Variants in PRDM11 observed in about 807,000 individuals in gnomAD.
PRDM11 encodes the protein PR domain-containing protein 11.
In PRDM11, 20 loss-of-function variants were observed where a neutral mutation model predicts 97.8. The observed-to-expected ratio is 0.20, with a 90% CI of 0.14 to 0.30. The LOEUF (loss-of-function observed/expected upper bound fraction) is 0.30, where lower values mean the gene tolerates loss of function less well. Ranked by LOEUF, PRDM11 falls within the 10% of genes least tolerant of loss-of-function variation. The pLI, the probability that PRDM11 is intolerant of heterozygous loss-of-function variation, is 1.00. For synonymous variants in PRDM11, 599 were observed against 637.7 expected (o/e 0.94, Z 0.91); for missense variants, 1,139 against 1,555.2 (o/e 0.73, Z 4.50).
intron 1 of PRDM11, among the ~76,000 whole-genome samples, chr11:45,156,038 G>A (rs1851785640): frequency 6.6e-6 from 1 of 152,186 alleles, no homozygotes; most frequent in Non-Finnish European, 1.5e-5. Flanking sequence ...TATGAACCTA[G>A]GTCTGTCTGA....
intron 1 of PRDM11, among the ~76,000 whole-genome samples, chr11:45,149,373 T>A (rs1321386183): frequency 6.6e-6 from 1 of 152,250 alleles, no homozygotes; most frequent in African/African-American, 2.4e-5. Context: ...TAGATCTCTC[T>A]GAACTCCATA....
rs1590494808 is a variant in PRDM11, at chr11:45,234,219, C to A, written c.*6060C>A. The A allele has an allele frequency of 6.6e-6, 1 of 152,212 alleles. No homozygotes were observed. Among genetic ancestry groups the A allele is most frequent in the Non-Finnish European group, 1.5e-5 (1 of 68,058 alleles). The allele number at this position is 152,212 out of a possible 1,614,324, so 9.4% of individuals were successfully genotyped here. A position where few individuals can be genotyped will look rare whatever the true frequency, so the allele number is the denominator to read the frequency against. ...CGCAGTTTCCTCTCTCTGTTTTTTTCCTCCTGGAGGTAGGAGAGAGGGCCT... is the reference window on the plus strand; with the variant it reads ...CGCAGTTTCCTCTCTCTGTTTTTTTACTCCTGGAGGTAGGAGAGAGGGCCT... On this transcript the variant is annotated 3_prime_UTR_variant, in exon 8 of 8. Transcript: ENST00000683152.
At position 45,227,822 on chromosome 11, in the gene PRDM11, A is replaced by C; in HGVS notation, c.3197A>C (p.Gln1066Pro). The C allele has an allele frequency of 6.5e-7, 1 of 1,533,956 alleles. No homozygotes were observed. Among genetic ancestry groups the C allele is most frequent in the Non-Finnish European group, 8.7e-7 (1 of 1,146,728 alleles). Reference sequence around the variant, plus strand: ...ATCAGCCACATTTGCAAGTACAAACAGAGGTTTCCACTCTTGAACAAGATC... The same window carrying C: ...ATCAGCCACATTTGCAAGTACAAACCGAGGTTTCCACTCTTGAACAAGATC... ...DLISHICKYK[Q>P]RFPLLNKIIQ... The change falls in exon 8 of 8, where the codon CAG (glutamine) becomes CCG (proline). Residue 1066 changes from glutamine to proline, a missense_variant. Physicochemically the swap from Gln to Pro is moderately conservative, Grantham distance 76 (BLOSUM62 -1). Around this residue, in one of 2 missense-constraint regions of PRDM11, gnomAD observed 710 missense variants for 1,044.9 expected, o/e 0.68. Transcript: ENST00000683152. The surrounding 1 kb of genome is among the most constrained non-coding windows in gnomAD (Gnocchi z 8.0).
chr11:45,233,808 G>A lies in PRDM11; in HGVS notation c.*5649G>A. 6.6e-6 allele frequency: 1 copy of A among 152,422 alleles called. No homozygotes were observed. The highest frequency in any genetic ancestry group is 1.5e-5 in the Non-Finnish European group (1 of 68,122). 9.4% of individuals were successfully genotyped at this position (152,422 alleles called of 1,614,324 possible). On this transcript the variant is annotated 3_prime_UTR_variant, in exon 8 of 8. Transcript: ENST00000683152. ...AGGAAACGGTGGGAGAGACATATCT[G>A]CACACTCATAAATTCAATGGCTACT...
At chr11:45,162,311 C>T (rs1716571824) in intron 1 of PRDM11, among the ~76,000 whole-genome samples, 1 of 152,004 alleles carries the variant, frequency 6.6e-6, no homozygotes, top group Non-Finnish European at 1.5e-5. Context: ...GTGCTTCTCC[C>T]AGGGAGGCAG....
intron 1 of PRDM11, among the ~76,000 whole-genome samples, chr11:45,133,349 C>T (rs570471840): frequency 3.9e-4 from 59 of 152,280 alleles, no homozygotes; most frequent in Admixed American, 1.3e-3. Flanking sequence ...ACTGGACCTC[C>T]CTGTTGCATT....
chr11:45,174,288 A>G (rs1852275710), intron 1 of PRDM11, among the ~76,000 whole-genome samples: 1 of 152,216 alleles, frequency 6.6e-6, no homozygotes, highest in South Asian at 2.1e-4. Flanking sequence ...TCCTATGATC[A>G]GGTAGGACAA....
intron 1 of PRDM11, among the ~76,000 whole-genome samples, chr11:45,114,925 C>A (rs982722521): frequency 2.0e-5 from 3 of 151,956 alleles, no homozygotes; most frequent in Non-Finnish European, 2.9e-5. Flanking sequence ...TGCCAGTAGA[C>A]CTGTTTCACA....
chr11:45,182,423 A>C, intron 3 of PRDM11, 74 bp downstream of exon 3: 1 of 1,362,024 alleles, frequency 7.3e-7, no homozygotes, highest in Non-Finnish European at 1.0e-6. Flanking sequence ...GGGAATTCAC[A>C]ACAATGCTAC....
At chr11:45,213,245 A>G in intron 5 of PRDM11, 1 of 456,518 alleles carries the variant, frequency 2.2e-6, no homozygotes, top group Admixed American at 2.3e-5. Context: ...TCTTTGGCGG[A>G]TGCTGAAGAT....
chr11:45,183,299 T>C lies in PRDM11; in HGVS notation c.486+176T>C, dbSNP rs574112895. On this transcript the variant is annotated intron_variant, in intron 4 of 7. Transcript: ENST00000683152. ...CCGGCTGAGTGGCTGCAACGCTTGG[T>C]GTCCAAGGGCAATGCTGAGAGCACC... 1.7e-3 allele frequency among the ~76,000 whole-genome samples: 260 copies of C among 152,268 alleles called. 1 individual carries two copies. The highest frequency in any genetic ancestry group is 5.9e-3 in the African/African-American group (245 of 41,538).
chr11:45,192,591 C>T (rs1004411575), intron 4 of PRDM11, among the ~76,000 whole-genome samples: 65 of 152,300 alleles, frequency 4.3e-4, no homozygotes, highest in African/African-American at 1.5e-3. Context: ...TATAATATTT[C>T]CAGTACAGAC....
chr11:45,208,481 G>A (rs1426423460), intron 5 of PRDM11, among the ~76,000 whole-genome samples: 1 of 152,218 alleles, frequency 6.6e-6, no homozygotes, highest in Non-Finnish European at 1.5e-5. Flanking sequence ...CTATCTTTAA[G>A]AGATTTTAAG....
Position 45,119,619 on chromosome 11 carries a change from C to CAAAA in PRDM11, c.96+23745_96+23748dup, listed in dbSNP as rs56367204. The stretch of plus-strand genomic sequence containing the variant: ...CCTGGGTGACAGCGAGATTCTGTCT[C>CAAAA]AAAAAAAAAAAAAAAAAAAAAAAAA... On this transcript the variant is annotated intron_variant, in intron 1 of 6. Coordinates refer to the PRDM11 transcript ENST00000530656. Among the ~76,000 whole-genome samples, 38 of 43,056 alleles carry CAAAA rather than the reference C, an allele frequency of 8.8e-4. 1 individual carries two copies. The highest frequency in any genetic ancestry group is 2.7e-3 in the African/African-American group (20 of 7,504). The allele number at this position is 43,056 out of a possible 152,430, so 28.2% of individuals were successfully genotyped here. A position where few individuals can be genotyped will look rare whatever the true frequency, so the allele number is the denominator to read the frequency against.
In PRDM11 at chr11:45,228,265, T is replaced by TATATATATATA. The variant is rs1554976395; in HGVS notation, c.*106_*107insATATATATATA. 1 of 107,260 alleles carries TATATATATATA rather than the reference T, an allele frequency of 9.3e-6. No homozygotes were observed. The highest frequency in any genetic ancestry group is 1.6e-5 in the Non-Finnish European group (1 of 60,712). The allele number at this position is 107,260 out of a possible 1,614,324, so 6.6% of individuals were successfully genotyped here. A position where few individuals can be genotyped will look rare whatever the true frequency, so the allele number is the denominator to read the frequency against. On this transcript the variant is annotated 3_prime_UTR_variant, in exon 8 of 8. Transcript: ENST00000683152. Reference sequence around the variant, plus strand: ...ATATATTATATTATATTATATTATATTATATATATATATATATATAAACTC... The same window carrying TATATATATATA: ...ATATATTATATTATATTATATTATATATATATATATATATATATATATATATATATAAACTC...
At chr11:45,099,632 A>G (rs1357711562) in intron 1 of PRDM11, among the ~76,000 whole-genome samples, 1 of 151,870 alleles carries the variant, frequency 6.6e-6, no homozygotes, top group Non-Finnish European at 1.5e-5. Context: ...AGATGTTCTG[A>G]TACAGGCATG....
intron 1 of PRDM11, among the ~76,000 whole-genome samples, chr11:45,165,829 C>T (rs951753692): frequency 1.3e-5 from 2 of 152,324 alleles, no homozygotes; most frequent in African/African-American, 4.8e-5. Flanking sequence ...TAGGAGGGAG[C>T]AGGCTTTCCT....
intron 1 of PRDM11, among the ~76,000 whole-genome samples, chr11:45,167,899 G>A (rs1470163431): frequency 2.0e-5 from 3 of 152,058 alleles, no homozygotes; most frequent in Admixed American, 6.6e-5. Flanking sequence ...TGTATACTGT[G>A]GTTTCAAGCA....
chr11:45,123,167 TC>T (rs1852480679), intron 1 of PRDM11, among the ~76,000 whole-genome samples: 2 of 152,198 alleles, frequency 1.3e-5, no homozygotes, highest in Admixed American at 6.5e-5. Flanking sequence ...GTTCATATCC[TC>T]CCCCCACTTT....
Sources: gnomAD v4.1 joint callset for allele counts (sites outside exome capture counted in the v4.1 genomes callset) on GRCh38, gnomAD v4.1.1 for gene constraint, gnomAD v4.1.1 regional missense constraint, Gnocchi (gnomAD v3.1) non-coding constraint, MANE v1.5 for transcripts, NCBI Gene and HGNC (gene_info 2026-07-23, HGNC 2026-07-21) for gene names.